The following DRC12 variants were observed in gnomAD, a reference collection of about 807,000 sequenced individuals.
DRC12 encodes dynein regulatory complex subunit 12 homolog.
the DRC12 span, chr11:119,190,317 G>A: frequency 1.9e-6 from 3 of 1,614,048 alleles, no homozygotes; most frequent in East Asian, 6.7e-5. This position sits in a 1 kb window ranked among gnomAD's most constrained non-coding sequence, Gnocchi z 4.2. Flanking sequence ...CTAGGGGCTG[G>A]TGGCCTCAAA....
the DRC12 span, chr11:119,195,191 CAT>C: frequency 1.6e-6 from 1 of 628,804 alleles, no homozygotes; most frequent in South Asian, 1.9e-5. Context: ...GCAAAATACA[CAT>C]GACAAATATA....
chr11:119,193,167 G>A, the DRC12 span: 1 of 1,614,078 alleles, frequency 6.2e-7, no homozygotes, highest in Non-Finnish European at 8.5e-7. Flanking sequence ...GCCCCCGAAG[G>A]CCTTTGACTT....
chr11:119,195,145 G>A, the DRC12 span: 2 of 673,012 alleles, frequency 3.0e-6, no homozygotes, highest in Non-Finnish European at 5.1e-6. Context: ...ACTGAAGTCA[G>A]CACCGTGTCC....
At chr11:119,190,288 C>G in the DRC12 span, 7 of 1,614,116 alleles carry the variant, frequency 4.3e-6, no homozygotes, top group Non-Finnish European at 5.9e-6. The surrounding 1 kb of genome is among the most constrained non-coding windows in gnomAD (Gnocchi z 4.2). Context: ...ATTGCTGGGG[C>G]CTCAGAGAAC....
the DRC12 span, chr11:119,193,195 C>G: frequency 3.1e-6 from 5 of 1,614,172 alleles, no homozygotes; most frequent in East Asian, 1.1e-4. Context: ...CAGCTGCTTG[C>G]TGCGGGTTTG....
At chr11:119,193,087 C>T in the DRC12 span, 1 of 1,354,550 alleles carries the variant, frequency 7.4e-7, no homozygotes, top group Non-Finnish European at 1.1e-6. Context: ...TGAAGTCTAC[C>T]CCTTCATGCT....
chr11:119,193,855 T>A, the DRC12 span: 1 of 1,551,552 alleles, frequency 6.4e-7, no homozygotes, highest in Non-Finnish European at 8.7e-7. Flanking sequence ...TTCGGAAGCC[T>A]TGGCTCGACG....
At chr11:119,193,009 TG>T in the DRC12 span, 1 of 724,188 alleles carries the variant, frequency 1.4e-6, no homozygotes, top group Non-Finnish European at 2.4e-6. Context: ...TCCTCAGTGG[TG>T]GAGGGTCAGC....
At chr11:119,194,308 T>A in the DRC12 span, among the ~76,000 whole-genome samples, 12 of 151,242 alleles carry the variant, frequency 7.9e-5, no homozygotes, top group South Asian at 2.1e-3. Context: ...AGGTCAAGAG[T>A]TCGAGACCAG....
At chr11:119,194,515 CAAAAAAAAAAAA>C in the DRC12 span, among the ~76,000 whole-genome samples, 16 of 27,484 alleles carry the variant, frequency 5.8e-4, 1 homozygote, top group African/African-American at 2.6e-3. Flanking sequence ...GACTCTGTCT[CAAAAAAAAAAAA>C]AAAAAAAAAA....
At chr11:119,193,355 A>G in the DRC12 span, 4 of 940,584 alleles carry the variant, frequency 4.3e-6, no homozygotes, top group African/African-American at 6.5e-5. Context: ...GAACAGGAGC[A>G]CAAAGGCCTT....
the DRC12 span, among the ~76,000 whole-genome samples, chr11:119,191,132 A>C: frequency 2.1e-5 from 3 of 144,928 alleles, no homozygotes; most frequent in South Asian, 2.2e-4. Context: ...ATGGAGTCTC[A>C]CTCTGTCGCC....
the DRC12 span, among the ~76,000 whole-genome samples, chr11:119,191,823 A>G: frequency 6.6e-6 from 1 of 152,044 alleles, no homozygotes; most frequent in African/African-American, 2.4e-5. Context: ...AAAAAACAAA[A>G]AACAAAAAAA....
At chr11:119,194,541 A>AAAAAAAAAAAAAAAAG in the DRC12 span, among the ~76,000 whole-genome samples, 7 of 66,002 alleles carry the variant, frequency 1.1e-4, 3 homozygotes, top group Non-Finnish European at 1.5e-4. Context: ...AAAAAAAAAA[A>AAAAAAAAAAAAAAAAG]AAAATAAATA....
At chr11:119,190,312 G>C in the DRC12 span, 2 of 1,614,172 alleles carry the variant, frequency 1.2e-6, no homozygotes, top group Non-Finnish European at 8.5e-7. This position sits in a 1 kb window ranked among gnomAD's most constrained non-coding sequence, Gnocchi z 4.2. Context: ...AGAGACTAGG[G>C]GCTGGTGGCC....
At chr11:119,193,052 C>A in the DRC12 span, 6 of 1,039,974 alleles carry the variant, frequency 5.8e-6, no homozygotes, top group African/African-American at 7.8e-5. Flanking sequence ...AGAGCCCAGA[C>A]GGCAGCTTTC....
At chr11:119,190,560 C>CATAAG in the DRC12 span, 7 of 1,554,712 alleles carry the variant, frequency 4.5e-6, no homozygotes, top group Non-Finnish European at 5.3e-6. This position sits in a 1 kb window ranked among gnomAD's most constrained non-coding sequence, Gnocchi z 4.2. Flanking sequence ...GGTCGTATCC[C>CATAAG]CTCTGTCTGC....
the DRC12 span, chr11:119,190,936 C>G: frequency 7.0e-7 from 1 of 1,420,604 alleles, no homozygotes; most frequent in Non-Finnish European, 9.5e-7. The surrounding 1 kb of genome is among the most constrained non-coding windows in gnomAD (Gnocchi z 4.2). Context: ...CAAATGGGCT[C>G]GTTCCAGACT....
chr11:119,193,523 T>C, the DRC12 span: 17 of 1,337,866 alleles, frequency 1.3e-5, no homozygotes, highest in South Asian at 2.6e-4. Context: ...ACTGCATGTG[T>C]ATCCTACACA....
Sources: allele counts gnomAD v4.1 joint callset (sites outside exome capture counted in the v4.1 genomes callset), GRCh38; gene constraint gnomAD v4.1.1; non-coding constraint Gnocchi (gnomAD v3.1); transcripts MANE v1.5; gene names NCBI Gene and HGNC (gene_info 2026-07-23, HGNC 2026-07-21).